MMP9: variants seen among roughly 807,000 people sequenced by gnomAD.
The protein encoded by MMP9 is matrix metallopeptidase 9, also known as matrix metalloproteinase-9.
A neutral mutation model predicts 76.4 loss-of-function variants in MMP9; 73 were observed. The observed-to-expected ratio is 0.96, with a 90% CI of 0.79 to 1.16. MMP9 has a LOEUF of 1.16. MMP9 is among the 50% of genes most tolerant of loss of function. The pLI is 0.00. For missense variants in MMP9, 943 were observed against 973.0 expected (o/e 0.97, Z 0.41); for synonymous variants, 412 against 408.4 (o/e 1.01, Z -0.11).
intron 12 of MMP9, among the ~76,000 whole-genome samples, chr20:46,015,309 T>A (rs973467598): frequency 4.6e-5 from 7 of 152,210 alleles, no homozygotes; most frequent in African/African-American, 1.4e-4. Flanking sequence ...CCCCTCCAGA[T>A]TGTCACTGGG....
At chr20:46,015,453 CTTT>C (rs199508388) in intron 12 of MMP9, among the ~76,000 whole-genome samples, 2 of 125,582 alleles carry the variant, frequency 1.6e-5, no homozygotes, top group Non-Finnish European at 1.6e-5. Flanking sequence ...TTTCTTTTTT[CTTT>C]TTTTTTTTTT....
rs1240084039 is a variant in MMP9 at position 46,014,123 on chromosome 20, G to T, written c.1751-1G>T. On this transcript the variant is annotated splice_acceptor_variant, in intron 10 of 12. Coordinates refer to ENST00000372330, the MANE Select transcript of MMP9 (RefSeq NM_004994.3). LOFTEE classifies it high-confidence loss of function. ...ACCGACGTGACCCTCCTCCCCTGCA[G>T]GGCGCCAGGTGTGGGTGTACACAGG... The T allele has an allele frequency of 1.3e-6, 2 of 1,535,122 alleles. No individual in the cohort carries two copies. Among genetic ancestry groups the T allele is most frequent in the Non-Finnish European group, 1.7e-6 (2 of 1,146,622 alleles).
intron 12 of MMP9, 36 bp downstream of exon 12, chr20:46,014,510 C>T (rs199750416): frequency 3.3e-6 from 5 of 1,529,558 alleles, no homozygotes; most frequent in Non-Finnish European, 4.4e-6. Context: ...TGAGACACCA[C>T]ACTAAGCTCC....
chr20:46,011,792 T>C (rs748163985), intron 6 of MMP9, 45 bp downstream of exon 6: 2 of 1,577,514 alleles, frequency 1.3e-6, no homozygotes, highest in Non-Finnish European at 1.7e-6. Context: ...CCTCTCATCA[T>C]GTATTGGCCC....
chr20:46,012,510 T>C lies in MMP9; in HGVS notation c.1258T>C (p.Tyr420His). ...DHSSVPEALMYPMYRFTEGPP... is the reference protein window; with the variant it reads ...DHSSVPEALMHPMYRFTEGPP... ...TTCCTCAGTGCCGGAGGCGCTCATG[T>C]ACCCTATGTACCGCTTCACTGAGGG... Residue 420 changes from tyrosine to histidine, a missense_variant, in exon 8 of 13, where the codon TAC becomes CAC. Coordinates refer to ENST00000372330, the MANE Select transcript of MMP9 (RefSeq NM_004994.3). The C allele has an allele frequency of 6.2e-7, 1 of 1,613,988 alleles. No homozygotes were observed. The highest frequency in any genetic ancestry group is 8.5e-7 in the Non-Finnish European group (1 of 1,179,860).
chr20:46,014,446 G>A lies in MMP9; in HGVS notation c.1977G>A (p.Leu659=). Reference sequence around the variant, plus strand: ...ACCGGATGTTCCCCGGGGTGCCTTTGGACACGCACGACGTCTTCCAGTACC... The same window carrying A: ...ACCGGATGTTCCCCGGGGTGCCTTTAGACACGCACGACGTCTTCCAGTACC... ...EVDRMFPGVP[L]DTHDVFQYRE... Residue 659 remains leucine (L), a synonymous_variant, in exon 12 of 13, where the codon TTG becomes TTA. Transcript: ENST00000372330. 1.9e-6 allele frequency: 3 copies of A among 1,550,498 alleles called. No individual in the cohort carries two copies. Among genetic ancestry groups the A allele is most frequent in the Non-Finnish European group, 2.6e-6 (3 of 1,146,980 alleles).
At chr20:46,014,030 C>T in intron 10 of MMP9, 94 bp from the exon 11 acceptor site, 1 of 1,515,262 alleles carries the variant, frequency 6.6e-7, no homozygotes, top group Non-Finnish European at 8.8e-7. Flanking sequence ...GGCACGCGGG[C>T]TAGGAAAGGC....
intron 2 of MMP9, 74 bp downstream of exon 2, chr20:46,010,172 G>A: frequency 7.3e-7 from 1 of 1,361,042 alleles, no homozygotes; most frequent in Non-Finnish European, 1.0e-6. Flanking sequence ...CGGTGAACAT[G>A]TCCTGTCTTG....
Position 46,009,046 on chromosome 20 carries a change from C to T in MMP9, c.120C>T (p.Thr40=), listed in dbSNP as rs139837207. 262 of 1,613,632 alleles carry T rather than the reference C, an allele frequency of 1.6e-4. 1 individual carries two copies. The highest frequency in any genetic ancestry group is 1.9e-4 in the Non-Finnish European group (226 of 1,179,892). ...LFPGDLRTNL[T]DRQLAEEYLY... ...CTGGAGACCTGAGAACCAATCTCAC[C>T]GACAGGCAGCTGGCAGAGGTGGGCA... Residue 40 remains threonine, a synonymous_variant, in exon 1 of 13, where the codon ACC becomes ACT. Transcript: ENST00000372330.
rs779383755 is a variant in MMP9, at chr20:46,013,775, A to T, written c.1729A>T (p.Lys577Ter). The T allele has an allele frequency of 6.2e-6, 10 of 1,613,082 alleles. No homozygotes were observed. Among genetic ancestry groups the T allele is most frequent in the Non-Finnish European group, 8.5e-6 (10 of 1,179,982 alleles). ...LDSVFEERLS[K>*]KLFFFSGRQV... Reference sequence around the variant, plus strand: ...CTCGGTCTTTGAGGAGCGGCTCTCCAAGAAGCTTTTCTTCTTCTCTGGTTA... The same window carrying T: ...CTCGGTCTTTGAGGAGCGGCTCTCCTAGAAGCTTTTCTTCTTCTCTGGTTA... Residue 577 changes from lysine (K) to a stop codon, truncating the protein, a stop_gained, in exon 10 of 13, where the codon AAG becomes TAG. Transcript: ENST00000372330. LOFTEE classifies it high-confidence loss of function. The surrounding 1 kb of genome is among the most constrained non-coding windows in gnomAD (Gnocchi z 4.5).
chr20:46,011,324 A>AG lies in MMP9; in HGVS notation c.823+13dup, dbSNP rs750974957. On this transcript the variant is annotated intron_variant, in intron 5 of 12. Transcript: ENST00000372330. ...GCTTCTGCCCCAGCGAGAGTGAGTG[A>AG]GGGGGCTCGCCGAGGGCTGGGGGCG... 1.3e-6 allele frequency: 2 copies of AG among 1,599,640 alleles called. No individual in the cohort carries two copies. Among genetic ancestry groups the AG allele is most frequent in the South Asian group, 2.2e-5 (2 of 90,938 alleles).
At chr20:46,015,892 A>G (rs1019437472) in intron 12 of MMP9, among the ~76,000 whole-genome samples, 2 of 152,270 alleles carry the variant, frequency 1.3e-5, no homozygotes, top group African/African-American at 4.8e-5. Flanking sequence ...AACAAAGCAC[A>G]TAGTAGATGC....
At chr20:46,014,582 C>A in intron 12 of MMP9, 108 bp downstream of exon 12, 2 of 1,152,484 alleles carry the variant, frequency 1.7e-6, no homozygotes, top group African/African-American at 1.5e-5. Context: ...GAAACAAATG[C>A]CCCAGCACAG....
chr20:46,011,890 A>G, intron 6 of MMP9, 143 bp downstream of exon 6: 1 of 1,128,020 alleles, frequency 8.9e-7, no homozygotes, highest in Non-Finnish European at 1.3e-6. Context: ...CCTACACCAC[A>G]TTTCCACCAC....
At chr20:46,010,280 C>G (rs2084267542) in intron 2 of MMP9, among the ~76,000 whole-genome samples, 182 bp downstream of exon 2, 1 of 142,430 alleles carries the variant, frequency 7.0e-6, no homozygotes, top group Admixed American at 7.3e-5. Flanking sequence ...CTCTTGCAAT[C>G]CAAGTCCTCC....
Position 46,013,766 on chromosome 20 carries a change from C to A in MMP9, c.1720C>A (p.Arg574=), listed in dbSNP as rs189827770. 1.2e-6 allele frequency: 2 copies of A among 1,613,528 alleles called. No homozygotes were observed. Among genetic ancestry groups the A allele is most frequent in the East Asian group, 4.5e-5 (2 of 44,860 alleles). Residue 574 remains arginine, a synonymous_variant, in exon 10 of 13, where the codon CGG becomes AGG. Coordinates refer to ENST00000372330, the MANE Select transcript of MMP9 (RefSeq NM_004994.3). This position sits in a 1 kb window ranked among gnomAD's most constrained non-coding sequence, Gnocchi z 4.5. ...PRKLDSVFEE[R]LSKKLFFFSG... is the part of the protein sequence containing the mutation. ...CAAGCTGGACTCGGTCTTTGAGGAGCGGCTCTCCAAGAAGCTTTTCTTCTT... is the reference window on the plus strand; with the variant it reads ...CAAGCTGGACTCGGTCTTTGAGGAGAGGCTCTCCAAGAAGCTTTTCTTCTT...
intron 2 of MMP9, 108 bp from the exon 3 acceptor site, chr20:46,010,375 A>AGGCAGCAGTGGCCC: frequency 8.9e-7 from 1 of 1,120,596 alleles, no homozygotes; most frequent in South Asian, 1.2e-5. Context: ...GAGAGCGTGG[A>AGGCAGCAGTGGCCC]CGGCAGAGAG....
rs773103169 is a variant in MMP9, at chr20:46,011,263, G to A, written c.770G>A (p.Ser257Asn). Residue 257 changes from serine to asparagine, a missense_variant, in exon 5 of 13, where the codon AGT becomes AAT. Ser to Asn is a conservative substitution (Grantham distance 46, BLOSUM62 1). Transcript: ENST00000372330. ...CGCTCCGACGGCTTGCCCTGGTGCA[G>A]TACCACGGCCAACTACGACACCGAC... ...DGRSDGLPWC[S>N]TTANYDTDDR... is the part of the protein sequence containing the mutation. 6.2e-7 allele frequency: 1 copy of A among 1,608,184 alleles called. No homozygotes were observed. The highest frequency in any genetic ancestry group is 8.5e-7 in the Non-Finnish European group (1 of 1,177,954).
rs905604332 is a variant in MMP9 at position 46,013,104 on chromosome 20, G to A, written c.1331-151G>A. The A allele has an allele frequency of 4.4e-6, 4 of 915,328 alleles. No individual in the cohort carries two copies. The highest frequency in any genetic ancestry group is 7.1e-6 in the Non-Finnish European group (4 of 560,132). The allele number at this position is 915,328 out of a possible 1,614,324, so 56.7% of individuals were successfully genotyped here. A position where few individuals can be genotyped will look rare whatever the true frequency, so the allele number is the denominator to read the frequency against. On this transcript the variant is annotated intron_variant, in intron 8 of 12. Coordinates refer to ENST00000372330, the MANE Select transcript of MMP9 (RefSeq NM_004994.3). The surrounding 1 kb of genome is among the most constrained non-coding windows in gnomAD (Gnocchi z 4.5). ...TGTCGCTTAAAACGAAAAAGAAGAAGAAGAAAGTCCTGTGGTTTGGGAAGG... is the reference window on the plus strand; with the variant it reads ...TGTCGCTTAAAACGAAAAAGAAGAAAAAGAAAGTCCTGTGGTTTGGGAAGG...
Sources: allele counts gnomAD v4.1 joint callset (sites outside exome capture counted in the v4.1 genomes callset), GRCh38; gene constraint gnomAD v4.1.1; non-coding constraint Gnocchi (gnomAD v3.1); transcripts MANE v1.5; gene names NCBI Gene and HGNC (gene_info 2026-07-23, HGNC 2026-07-21).